ZNF536: variants seen among roughly 807,000 people sequenced by gnomAD.
ZNF536 encodes zinc finger protein 536.
A neutral mutation model predicts 84.5 loss-of-function variants in ZNF536; 13 were observed. The ratio of observed to expected loss-of-function variants is 0.15; its 90% CI spans 0.10 to 0.24. The LOEUF (loss-of-function observed/expected upper bound fraction) is 0.24. ZNF536 is among the 10% of genes least tolerant of loss of function. ZNF536 has a pLI of 1.00. For synonymous variants in ZNF536, 811 were observed against 742.5 expected, an observed-to-expected ratio of 1.09 and a Z score of -1.50; for missense variants, 1,536 against 1,747.5, an observed-to-expected ratio of 0.88 and a Z score of 2.16.
intron 2 of ZNF536, among the ~76,000 whole-genome samples, chr19:30,493,499 AG>A (rs2054593634): frequency 2.0e-5 from 3 of 152,236 alleles, no homozygotes; most frequent in Admixed American, 1.3e-4. Context: ...CTGGATTAAA[AG>A]GCTCATTTCA....
chr19:30,562,646 T>G (rs138403442), downstream of ZNF536, among the ~76,000 whole-genome samples: 1 of 152,282 alleles, frequency 6.6e-6, no homozygotes, highest in Non-Finnish European at 1.5e-5. Context: ...GATACCAGTG[T>G]GTGAATCCAG....
chr19:30,577,546 G>A (rs188496151), intron 1 of ZNF536, among the ~76,000 whole-genome samples: 27 of 152,232 alleles, frequency 1.8e-4, no homozygotes, highest in Admixed American at 1.4e-3. Flanking sequence ...TTTAAAGCGC[G>A]TTTTTAGATA....
At chr19:30,545,498 C>T (rs951353616) in intron 3 of ZNF536, among the ~76,000 whole-genome samples, 8 of 142,938 alleles carry the variant, frequency 5.6e-5, no homozygotes, top group East Asian at 4.6e-4. Context: ...CCCGGGTTTA[C>T]GCCATTCTCC....
At chr19:30,501,633 C>A (rs1167472346) in intron 2 of ZNF536, among the ~76,000 whole-genome samples, 1 of 152,142 alleles carries the variant, frequency 6.6e-6, no homozygotes, top group African/African-American at 2.4e-5. Flanking sequence ...TTCATAAAGA[C>A]CAGTCCATAC....
chr19:30,472,224 G>C (rs1254006258), intron 2 of ZNF536, among the ~76,000 whole-genome samples: 1 of 152,218 alleles, frequency 6.6e-6, no homozygotes, highest in Admixed American at 6.5e-5. Flanking sequence ...CATATGGCAT[G>C]GAGTTTTATT....
At chr19:30,625,395 A>G (rs2048638692) in intron 1 of ZNF536, among the ~76,000 whole-genome samples, 1 of 152,256 alleles carries the variant, frequency 6.6e-6, no homozygotes. Context: ...TGTTGGCCTC[A>G]TTATATGTCC....
intron 1 of ZNF536, among the ~76,000 whole-genome samples, chr19:30,678,053 T>C (rs1032859442): frequency 2.6e-5 from 4 of 152,196 alleles, no homozygotes; most frequent in African/African-American, 9.6e-5. Context: ...TGACAGTTTA[T>C]ATTTAAAAGC....
intron 1 of ZNF536, among the ~76,000 whole-genome samples, chr19:30,629,854 T>G: frequency 6.6e-6 from 1 of 152,234 alleles, no homozygotes; most frequent in East Asian, 1.9e-4. Flanking sequence ...GGGTCCCTCC[T>G]GCACAGCAGC....
intron 3 of ZNF536, among the ~76,000 whole-genome samples, chr19:30,364,396 G>C (rs181565275): frequency 6.6e-6 from 1 of 152,046 alleles, no homozygotes; most frequent in African/African-American, 2.4e-5. Flanking sequence ...GCATGGTGGC[G>C]TGCACCTGCA....
chr19:30,473,741 G>A (rs1284003544), intron 2 of ZNF536, among the ~76,000 whole-genome samples: 2 of 152,152 alleles, frequency 1.3e-5, no homozygotes, highest in Non-Finnish European at 2.9e-5. Context: ...CAGAGGAGAC[G>A]TCCCGCCCAT....
At chr19:30,358,239 T>C (rs1045571854) in intron 3 of ZNF536, among the ~76,000 whole-genome samples, 3 of 152,168 alleles carry the variant, frequency 2.0e-5, no homozygotes, top group Non-Finnish European at 4.4e-5. Context: ...AGGCCGGGGC[T>C]CAGAGAGGGT....
chr19:30,384,036 C>T (rs1363334070), intron 1 of ZNF536, among the ~76,000 whole-genome samples: 3 of 137,584 alleles, frequency 2.2e-5, no homozygotes, highest in Non-Finnish European at 4.7e-5. Flanking sequence ...ATGCCTGTGG[C>T]CCCACGGTCT....
intron 2 of ZNF536, among the ~76,000 whole-genome samples, chr19:30,458,608 A>G (rs956378825): frequency 2.6e-5 from 4 of 151,570 alleles, no homozygotes; most frequent in African/African-American, 9.7e-5. Flanking sequence ...ATATGCCACC[A>G]CACCAGGCTA....
chr19:30,460,002 G>A (rs1392832434), intron 2 of ZNF536, among the ~76,000 whole-genome samples: 1 of 152,190 alleles, frequency 6.6e-6, no homozygotes, highest in Non-Finnish European at 1.5e-5. Flanking sequence ...GGTGGAGTTA[G>A]CAGCTCAAAC....
rs548778750 is a variant in ZNF536 at position 30,565,294 on chromosome 19, C to T, written c.169+15780C>T. ...AGGGTAAGGTCAGCTGAGTGAATGACGGCTCCATCTACTTACCCGGGGAGA... is the reference window on the plus strand; with the variant it reads ...AGGGTAAGGTCAGCTGAGTGAATGATGGCTCCATCTACTTACCCGGGGAGA... On this transcript the variant is annotated intron_variant, in intron 1 of 1. Coordinates refer to the ZNF536 transcript ENST00000592773. Among the ~76,000 whole-genome samples, 168 of 151,970 alleles carry T rather than the reference C, an allele frequency of 1.1e-3. 1 individual carries two copies. Among genetic ancestry groups the T allele is most frequent in the African/African-American group, 3.5e-3 (146 of 41,432 alleles).
intron 2 of ZNF536, among the ~76,000 whole-genome samples, chr19:30,532,600 C>T (rs1441384233): frequency 4.1e-5 from 6 of 146,708 alleles, no homozygotes; most frequent in Non-Finnish European, 4.5e-5. Flanking sequence ...TAATCAGGCT[C>T]ATCATTATTT....
chr19:30,452,996 T>A (rs1234721221), intron 2 of ZNF536, among the ~76,000 whole-genome samples: 7 of 101,134 alleles, frequency 6.9e-5, no homozygotes, highest in Non-Finnish European at 1.4e-4. Flanking sequence ...GGTGGGCAGG[T>A]GGTGGGGGGA....
chr19:30,438,748 G>A (rs570806974), intron 1 of ZNF536, among the ~76,000 whole-genome samples: 6 of 152,086 alleles, frequency 3.9e-5, no homozygotes, highest in Non-Finnish European at 7.4e-5. Context: ...ACGGATCATA[G>A]CTCACTGCAG....
At position 30,547,928 on chromosome 19, in the gene ZNF536, A is replaced by G; in HGVS notation, c.2324-15A>G. ...GATAAACGCCTCTTTTTTTTCTTAT[A>G]TCAAAATCTTGCAGGTGAGAAACCC... On this transcript the variant is annotated splice_polypyrimidine_tract_variant and intron_variant, in intron 3 of 4. Coordinates refer to ENST00000355537, the MANE Select transcript of ZNF536 (RefSeq NM_014717.3). 6.6e-7 allele frequency: 1 copy of G among 1,513,706 alleles called. No individual in the cohort carries two copies. The allele number at this position is 1,513,706 out of a possible 1,614,324, so 93.8% of individuals were successfully genotyped here. A position where few individuals can be genotyped will look rare whatever the true frequency, so the allele number is the denominator to read the frequency against.
Sources: allele counts gnomAD v4.1 joint callset (sites outside exome capture counted in the v4.1 genomes callset), GRCh38; gene constraint gnomAD v4.1.1; transcripts MANE v1.5; gene names NCBI Gene and HGNC (gene_info 2026-07-23, HGNC 2026-07-21).